Variants in LARGE1 observed in about 807,000 individuals in gnomAD.
LARGE1 encodes the protein xylosyl- and glucuronyltransferase LARGE1.
Under a neutral mutation model 87.6 loss-of-function variants are expected in LARGE1, and 43 were observed. The ratio of observed to expected loss-of-function variants is 0.49; its 90% CI spans 0.38 to 0.63. LARGE1 has a LOEUF of 0.63. LARGE1 is among the 30% of genes least tolerant of loss of function. LARGE1 has a pLI of 0.00. For missense variants in LARGE1, 802 were observed against 1,000.2 expected, an observed-to-expected ratio of 0.80 and a Z score of 2.67; for synonymous variants, 434 against 394.6, an observed-to-expected ratio of 1.10 and a Z score of -1.18.
chr22:33,142,343 A>G, the LARGE1 span, among the ~76,000 whole-genome samples: 1 of 151,996 alleles, frequency 6.6e-6, no homozygotes, highest in East Asian at 1.9e-4. Context: ...TGGCTCTCGC[A>G]TTCCCCCAAA....
intron 1 of LARGE1, chr22:33,856,842 A>T (rs1177107345): frequency 6.6e-6 from 1 of 152,200 alleles, no homozygotes; most frequent in Non-Finnish European, 1.5e-5. Context: ...TAGTTGTCAG[A>T]TGAACCTGTC....
intron 6 of LARGE1, among the ~76,000 whole-genome samples, chr22:33,560,400 T>C (rs770750948): frequency 5.3e-5 from 8 of 152,108 alleles, no homozygotes; most frequent in African/African-American, 1.9e-4. Context: ...GTACGCTGGA[T>C]AGTTTGACCA....
intron 6 of LARGE1, among the ~76,000 whole-genome samples, chr22:33,560,817 CTTTT>C (rs10710316): frequency 1.4e-5 from 2 of 142,324 alleles, no homozygotes; most frequent in Non-Finnish European, 1.6e-5. Context: ...GTTTATTTAA[CTTTT>C]TTTTTTTTTT....
chr22:33,251,827 G>A (rs963693238), intron 11 of LARGE1, among the ~76,000 whole-genome samples: 1 of 152,164 alleles, frequency 6.6e-6, no homozygotes, highest in Admixed American at 6.5e-5. Flanking sequence ...GTAAAGAAGT[G>A]CAAACTATGG....
At chr22:33,143,646 C>G in the LARGE1 span, among the ~76,000 whole-genome samples, 2 of 152,156 alleles carry the variant, frequency 1.3e-5, no homozygotes, top group East Asian at 3.9e-4. Flanking sequence ...GACAATTACC[C>G]ATAATTCTGG....
At chr22:33,765,193 CCAAGGATTATA>C (rs1232733637) in intron 1 of LARGE1, among the ~76,000 whole-genome samples, 1 of 152,102 alleles carries the variant, frequency 6.6e-6, no homozygotes, top group Non-Finnish European at 1.5e-5. Context: ...AATTAACTGG[CCAAGGATTATA>C]CACTACTAGT....
chr22:33,265,067 A>T (rs1294511956), intron 11 of LARGE1, among the ~76,000 whole-genome samples: 1 of 150,554 alleles, frequency 6.6e-6, no homozygotes, highest in Non-Finnish European at 1.5e-5. Flanking sequence ...TGCCTGGCTA[A>T]TTTTTTTTAT....
intron 7 of LARGE1, among the ~76,000 whole-genome samples, chr22:33,389,158 G>C (rs111847552): frequency 6.6e-6 from 1 of 152,204 alleles, no homozygotes. Flanking sequence ...ACTGGGCTAC[G>C]CAAGAACTAG....
intron 12 of LARGE1, among the ~76,000 whole-genome samples, chr22:33,291,262 C>T (rs5749601): frequency 0.13 from 20,509 of 152,122 alleles, 2,021 homozygotes; most frequent in African/African-American, 0.28. Flanking sequence ...AGTGAAGACC[C>T]GGGAGAAGAG....
At chr22:33,278,782 C>T (rs1389579663) in intron 13 of LARGE1, among the ~76,000 whole-genome samples, 2 of 152,036 alleles carry the variant, frequency 1.3e-5, no homozygotes, top group African/African-American at 4.8e-5. Flanking sequence ...TGCAGTGGCA[C>T]GATCTTGGCT....
intron 11 of LARGE1, among the ~76,000 whole-genome samples, chr22:33,234,086 C>T (rs1568984078): frequency 6.6e-6 from 1 of 152,236 alleles, no homozygotes; most frequent in Admixed American, 6.5e-5. Context: ...AATTAATCTA[C>T]AAAAGTCTTG....
At chr22:33,660,755 A>G (rs2081098731) in intron 2 of LARGE1, among the ~76,000 whole-genome samples, 1 of 152,256 alleles carries the variant, frequency 6.6e-6, no homozygotes, top group African/African-American at 2.4e-5. Context: ...GAGTGTCCTC[A>G]ATGTGGCTAT....
At chr22:33,904,291 G>C (rs1264051336) in intron 1 of LARGE1, among the ~76,000 whole-genome samples, 1 of 152,136 alleles carries the variant, frequency 6.6e-6, no homozygotes, top group East Asian at 1.9e-4. Flanking sequence ...GAGTAGCTGG[G>C]ATTACAGGCG....
intron 2 of LARGE1, among the ~76,000 whole-genome samples, chr22:33,660,878 C>A (rs1029692915): frequency 6.6e-6 from 1 of 152,146 alleles, no homozygotes; most frequent in African/African-American, 2.4e-5. Flanking sequence ...TTTTTTAAAA[C>A]CTTTGCAATA....
the LARGE1 span, among the ~76,000 whole-genome samples, chr22:33,120,383 TTTC>T: frequency 4.2e-5 from 4 of 95,684 alleles, no homozygotes; most frequent in African/African-American, 2.6e-4. Context: ...TCTTTCTTTC[TTTC>T]TTTCTTTCTT....
chr22:33,361,073 C>T lies in LARGE1; in HGVS notation c.1131+20846G>A, dbSNP rs938756172. 4.7e-5 allele frequency among the ~76,000 whole-genome samples: 7 copies of T among 149,022 alleles called. 1 individual carries two copies. Among genetic ancestry groups the T allele is most frequent in the African/African-American group, 1.7e-4 (7 of 40,472 alleles). On this transcript the variant is annotated intron_variant, in intron 9 of 14. Coordinates refer to ENST00000397394, the MANE Select transcript of LARGE1 (RefSeq NM_133642.5). ...CTACTAAAAATACAAAAATTACAGG[C>T]GTGCACCACCATGCCTGTAATCCCA... is the stretch of plus-strand genomic sequence containing the variant.
At chr22:33,119,393 A>G in the LARGE1 span, among the ~76,000 whole-genome samples, 1 of 152,146 alleles carries the variant, frequency 6.6e-6, no homozygotes, top group African/African-American at 2.4e-5. Flanking sequence ...GAAAGTGCAT[A>G]TGAATACTAG....
At chr22:33,378,342 G>A (rs2065050634) in intron 9 of LARGE1, among the ~76,000 whole-genome samples, 1 of 152,104 alleles carries the variant, frequency 6.6e-6, no homozygotes, top group Admixed American at 6.6e-5. Flanking sequence ...AACCAAGGAT[G>A]AAACAGACAA....
At chr22:33,731,433 A>G (rs2083464865) in intron 2 of LARGE1, among the ~76,000 whole-genome samples, 1 of 152,206 alleles carries the variant, frequency 6.6e-6, no homozygotes, top group South Asian at 2.1e-4. Context: ...GAGCTGTTAA[A>G]TTCAGGAAAG....
Sources: allele counts gnomAD v4.1 joint callset (sites outside exome capture counted in the v4.1 genomes callset), GRCh38; gene constraint gnomAD v4.1.1; transcripts MANE v1.5; gene names NCBI Gene and HGNC (gene_info 2026-07-23, HGNC 2026-07-21).